Variants in GSK3B observed in about 807,000 individuals in gnomAD.
The protein encoded by GSK3B is glycogen synthase kinase-3 beta.
Under a neutral mutation model 56.4 loss-of-function variants are expected in GSK3B, and 15 were observed. The observed-to-expected ratio is 0.27, with a 90% confidence interval of 0.18 to 0.41. The LOEUF (loss-of-function observed/expected upper bound fraction) is 0.41, where lower values mean the gene tolerates loss of function less well. GSK3B is among the 10% of genes least tolerant of loss of function. GSK3B has a pLI of 1.00. For missense variants in GSK3B, 300 were observed against 513.4 expected, an observed-to-expected ratio of 0.58 and a Z score of 4.02; for synonymous variants, 181 against 188.9, an observed-to-expected ratio of 0.96 and a Z score of 0.34.
intron 2 of GSK3B, among the ~76,000 whole-genome samples, chr3:119,993,409 A>T (rs1167122165): frequency 6.6e-6 from 1 of 152,148 alleles, no homozygotes; most frequent in African/African-American, 2.4e-5. Context: ...GATGAACCTA[A>T]CTACTTCAAA....
At chr3:119,844,955 T>A (rs894081145) in intron 9 of GSK3B, among the ~76,000 whole-genome samples, 2 of 152,208 alleles carry the variant, frequency 1.3e-5, no homozygotes, top group Non-Finnish European at 2.9e-5. Flanking sequence ...TTAAAAAGCG[T>A]ATCCACCATG....
chr3:120,068,706 T>A (rs2058301434), intron 1 of GSK3B, among the ~76,000 whole-genome samples: 1 of 151,014 alleles, frequency 6.6e-6, no homozygotes, highest in African/African-American at 2.4e-5. Context: ...TCTCAAAAAA[T>A]AAATAAATAA....
rs2058547062 is a variant in GSK3B, at chr3:120,094,418, C to T, written c.-984G>A. The T allele has an allele frequency of 3.1e-6, 1 of 319,062 alleles. No homozygotes were observed. Among genetic ancestry groups the T allele is most frequent in the South Asian group, 4.0e-5 (1 of 24,720 alleles). The allele number at this position is 319,062 out of a possible 1,614,324, so 19.8% of individuals were successfully genotyped here. ...CGGCGGCGGCGGCGGCACAAGCCCG[C>T]ATTCGCCCGGGTCAGGAGCTGCTCT... On this transcript the variant is annotated 5_prime_UTR_variant, in exon 1 of 11. An upstream start codon of the reference 5' UTR is lost. Coordinates refer to ENST00000264235, the MANE Select transcript of GSK3B (RefSeq NM_001146156.2).
chr3:119,940,654 T>C (rs2057039336), intron 3 of GSK3B, among the ~76,000 whole-genome samples: 1 of 152,172 alleles, frequency 6.6e-6, no homozygotes. Context: ...GCTATAATTA[T>C]ATCTCCTTGG....
At chr3:119,906,627 A>T (rs962436423) in intron 6 of GSK3B, among the ~76,000 whole-genome samples, 2 of 152,098 alleles carry the variant, frequency 1.3e-5, no homozygotes, top group African/African-American at 4.8e-5. Flanking sequence ...GGATTAGAAG[A>T]TAAACCGTAC....
At chr3:119,880,270 T>C (rs549120272) in intron 7 of GSK3B, among the ~76,000 whole-genome samples, 101 of 152,358 alleles carry the variant, frequency 6.6e-4, no homozygotes, top group African/African-American at 2.4e-3. Flanking sequence ...ATGTATCCTT[T>C]TGAATAATGT....
chr3:119,947,342 G>T lies in GSK3B; in HGVS notation c.292C>A (p.Leu98Ile). The change falls in exon 3 of 11, where the codon CTC (leucine) becomes ATC (isoleucine). Residue 98 changes from leucine to isoleucine, a missense_variant. This residue lies in a region of GSK3B where 20 missense variants were observed against 59.1 expected (regional missense o/e 0.34). Coordinates refer to ENST00000264235, the MANE Select transcript of GSK3B (RefSeq NM_001146156.2). ...TGATCTAGCTTTCTCATGATCTGGA[G>T]CTCTCGATTCTGAAAAGGAAACACA... ...LQDKRFKNRE[L>I]QIMRKLDHCN... The T allele has an allele frequency of 1.3e-6, 2 of 1,589,202 alleles. No individual in the cohort carries two copies. The highest frequency in any genetic ancestry group is 1.7e-6 in the Non-Finnish European group (2 of 1,157,990).
chr3:120,076,234 A>C (rs975612275), intron 1 of GSK3B, among the ~76,000 whole-genome samples: 1 of 152,242 alleles, frequency 6.6e-6, no homozygotes, highest in Non-Finnish European at 1.5e-5. Flanking sequence ...CCTAAACATA[A>C]GACTTGAAGC....
At chr3:119,904,493 C>T (rs878993130) in intron 7 of GSK3B, among the ~76,000 whole-genome samples, 28 of 152,282 alleles carry the variant, frequency 1.8e-4, no homozygotes, top group Admixed American at 1.1e-3. Context: ...AAGAAGATCG[C>T]TTATTACACA....
intron 2 of GSK3B, among the ~76,000 whole-genome samples, chr3:119,984,109 G>C (rs142256300): frequency 1.5e-3 from 232 of 152,220 alleles, no homozygotes; most frequent in Middle Eastern, 3.4e-3. Flanking sequence ...AATGACTACT[G>C]GGTACATAAT....
chr3:120,032,540 G>A (rs7628426), intron 1 of GSK3B, among the ~76,000 whole-genome samples: 15,889 of 152,040 alleles, frequency 0.1, 941 homozygotes, highest in African/African-American at 0.17. Context: ...TAAGGCGGGA[G>A]CAGTGGCATG....
Position 119,826,610 on chromosome 3 carries a change from G to T in GSK3B, c.*178C>A. On this transcript the variant is annotated 3_prime_UTR_variant, in exon 11 of 11. Transcript: ENST00000264235. ...AGTGAGAATACAATGAAATTGGTTT[G>T]TATTTATAGATATTTTACAAGGTTA... The T allele has an allele frequency of 6.7e-6, 3 of 451,106 alleles. No homozygotes were observed. The highest frequency in any genetic ancestry group is 3.2e-5 in the South Asian group (2 of 63,104). The allele number at this position is 451,106 out of a possible 1,614,324, so 27.9% of individuals were successfully genotyped here.
At chr3:119,841,362 C>T (rs559815034) in intron 10 of GSK3B, among the ~76,000 whole-genome samples, 2 of 152,126 alleles carry the variant, frequency 1.3e-5, no homozygotes, top group African/African-American at 2.4e-5. Context: ...TTACTTTAAA[C>T]TGCTCAAAAC....
intron 7 of GSK3B, among the ~76,000 whole-genome samples, chr3:119,879,006 T>G (rs897960760): frequency 1.3e-5 from 2 of 152,188 alleles, no homozygotes; most frequent in Non-Finnish European, 2.9e-5. Flanking sequence ...GAAAAACTTA[T>G]CAAGTTGAAT....
Position 119,844,952 on chromosome 3 carries a change from G to C in GSK3B, c.1097-1599C>G, listed in dbSNP as rs1166194109. Among the ~76,000 whole-genome samples, 4 of 152,162 alleles carry C rather than the reference G, an allele frequency of 2.6e-5. No individual in the cohort carries two copies. In the East Asian group the frequency reaches 7.7e-4, roughly 29 times the overall value. On this transcript the variant is annotated intron_variant, in intron 9 of 10. Transcript: ENST00000264235. ...ACCGAATCTAGCAGCACCTTAAAAA[G>C]CGTATCCACCATGATCAAGTCGGCT...
At chr3:119,883,594 A>G (rs1171704632) in intron 7 of GSK3B, among the ~76,000 whole-genome samples, 1 of 152,156 alleles carries the variant, frequency 6.6e-6, no homozygotes, top group Admixed American at 6.6e-5. Flanking sequence ...AACCACAAAC[A>G]AAAGTTTATT....
At chr3:120,086,992 C>CA (rs1474516529) in intron 1 of GSK3B, among the ~76,000 whole-genome samples, 2 of 152,002 alleles carry the variant, frequency 1.3e-5, no homozygotes, top group Admixed American at 1.3e-4. Context: ...TCTGTGATTT[C>CA]AAAAAAACCC....
chr3:119,944,703 C>T (rs778396104), intron 3 of GSK3B, among the ~76,000 whole-genome samples: 3 of 152,158 alleles, frequency 2.0e-5, no homozygotes, highest in African/African-American at 4.8e-5. Context: ...CGAAGTCACA[C>T]ATCTATCCAT....
chr3:120,071,918 A>T (rs1406815295), intron 1 of GSK3B, among the ~76,000 whole-genome samples: 1 of 152,188 alleles, frequency 6.6e-6, no homozygotes, highest in Non-Finnish European at 1.5e-5. Flanking sequence ...CTATTAATAC[A>T]TGAAACACAG....
Sources: allele counts gnomAD v4.1 joint callset (sites outside exome capture counted in the v4.1 genomes callset), GRCh38; gene constraint gnomAD v4.1.1; regional missense constraint gnomAD v4.1.1; transcripts MANE v1.5; gene names NCBI Gene and HGNC (gene_info 2026-07-23, HGNC 2026-07-21).